PDE3A: variants seen among roughly 807,000 people sequenced by gnomAD.
The protein encoded by PDE3A is phosphodiesterase 3A, also known as cGMP-inhibited 3',5'-cyclic phosphodiesterase 3A.
Under a neutral mutation model 98.3 loss-of-function variants are expected in PDE3A, and 43 were observed. The observed-to-expected ratio is 0.44, with a 90% confidence interval of 0.34 to 0.56. The LOEUF is 0.56. Among genes scored for constraint, PDE3A ranks in the 20% least tolerant of loss-of-function variants. The pLI, the probability that PDE3A is intolerant of heterozygous loss-of-function variation, is 0.01. For missense variants in PDE3A, 1,427 were observed against 1,440.7 expected, an observed-to-expected ratio of 0.99 and a Z score of 0.15; for synonymous variants, 663 against 567.9, an observed-to-expected ratio of 1.17 and a Z score of -2.38.
At chr12:20,656,468 T>C (rs965826031) in intron 15 of PDE3A, among the ~76,000 whole-genome samples, 29 of 152,338 alleles carry the variant, frequency 1.9e-4, no homozygotes, top group African/African-American at 7.0e-4. Context: ...ATTAAAGTTG[T>C]TTTTCTTCAA....
chr12:20,465,971 A>G (rs1565558079), intron 1 of PDE3A, among the ~76,000 whole-genome samples: 2 of 152,206 alleles, frequency 1.3e-5, no homozygotes, highest in Non-Finnish European at 2.9e-5. Context: ...CCACGTTTCA[A>G]TGGAAGTGGT....
intron 1 of PDE3A, among the ~76,000 whole-genome samples, chr12:20,408,857 A>G (rs1944282708): frequency 6.6e-6 from 1 of 152,186 alleles, no homozygotes; most frequent in Admixed American, 6.5e-5. Flanking sequence ...AATTATGTGT[A>G]CATATATTAT....
chr12:20,525,397 T>C (rs773751090), intron 1 of PDE3A, among the ~76,000 whole-genome samples: 3 of 150,980 alleles, frequency 2.0e-5, no homozygotes, highest in Non-Finnish European at 4.4e-5. Flanking sequence ...GGGACTAAAA[T>C]TGATTTTAAG....
rs116861625 is a variant in PDE3A, at chr12:20,536,885, A to G, written c.961-19775A>G. Among the ~76,000 whole-genome samples, 288 of 152,080 alleles carry G rather than the reference A, an allele frequency of 1.9e-3. 7 individuals carry two copies. The East Asian group carries it at 0.054, about 28-fold the overall frequency. On this transcript the variant is annotated intron_variant, in intron 1 of 15. Coordinates refer to ENST00000359062, the MANE Select transcript of PDE3A (RefSeq NM_000921.5). ...AATTTTTGTGTGGATATTTGTTTTC[A>G]TTTCTCTGGAATATACATCTAGAAG...
At chr12:20,551,644 G>A (rs1345931920) in intron 1 of PDE3A, 5 of 1,591,220 alleles carry the variant, frequency 3.1e-6, no homozygotes, top group Non-Finnish European at 3.4e-6. Context: ...GTGCGACATG[G>A]CCTTCCACAT....
At chr12:20,515,315 A>G (rs928460119) in intron 1 of PDE3A, among the ~76,000 whole-genome samples, 2 of 152,246 alleles carry the variant, frequency 1.3e-5, no homozygotes, top group African/African-American at 2.4e-5. Flanking sequence ...TGATAATGTA[A>G]TATACCACTA....
intron 5 of PDE3A, among the ~76,000 whole-genome samples, chr12:20,629,659 C>CT (rs1265536194): frequency 2.0e-5 from 3 of 152,086 alleles, no homozygotes; most frequent in Non-Finnish European, 4.4e-5. Flanking sequence ...TCCACGACAC[C>CT]AGGGCTTTGG....
chr12:20,386,120 T>TATATATAA (rs1943779562), intron 1 of PDE3A, among the ~76,000 whole-genome samples: 3 of 76,162 alleles, frequency 3.9e-5, no homozygotes, highest in East Asian at 6.6e-4. Flanking sequence ...TAAATATATA[T>TATATATAA]AAATATATAT....
At chr12:20,507,083 T>A (rs2121102823) in intron 1 of PDE3A, among the ~76,000 whole-genome samples, 1 of 152,046 alleles carries the variant, frequency 6.6e-6, no homozygotes, top group Admixed American at 6.6e-5. Flanking sequence ...ATCCGGGGGG[T>A]AATTGTGCAC....
Position 20,613,557 on chromosome 12 carries a change from G to T in PDE3A, c.1126G>T (p.Ala376Ser). 1.2e-6 allele frequency: 2 copies of T among 1,614,098 alleles called. No homozygotes were observed. Among genetic ancestry groups the T allele is most frequent in the Non-Finnish European group, 1.7e-6 (2 of 1,180,004 alleles). ...ACCAAACGTGTGCACATCCTTGAGAGCCGTGAGCAACTTGCTCAGCACACA... is the reference window on the plus strand; with the variant it reads ...ACCAAACGTGTGCACATCCTTGAGATCCGTGAGCAACTTGCTCAGCACACA... ...LPPNVCTSLR[A>S]VSNLLSTQLT... Residue 376 changes from alanine to serine, a missense_variant, in exon 3 of 16, where the codon GCC becomes TCC. By Grantham distance (99) the Ala-to-Ser change is moderately conservative. Transcript: ENST00000359062.
chr12:20,628,310 G>A (rs1423932192), intron 5 of PDE3A, among the ~76,000 whole-genome samples: 1 of 152,068 alleles, frequency 6.6e-6, no homozygotes, highest in African/African-American at 2.4e-5. Context: ...TTTTGGCTCA[G>A]GATACTATGT....
At chr12:20,620,486 A>G (rs139211069) in intron 4 of PDE3A, among the ~76,000 whole-genome samples, 53 of 152,154 alleles carry the variant, frequency 3.5e-4, no homozygotes, top group African/African-American at 1.3e-3. Flanking sequence ...CAGATTCAAC[A>G]TGTATAAGTT....
intron 1 of PDE3A, among the ~76,000 whole-genome samples, chr12:20,424,609 A>G (rs948164240): frequency 4.6e-5 from 7 of 152,182 alleles, no homozygotes; most frequent in Non-Finnish European, 1.0e-4. Flanking sequence ...GGTGGTGTAG[A>G]ATGATGTTTA....
chr12:20,514,135 G>T (rs1436979686), intron 1 of PDE3A, among the ~76,000 whole-genome samples: 1 of 152,078 alleles, frequency 6.6e-6, no homozygotes, highest in Non-Finnish European at 1.5e-5. Context: ...TGAGACACAG[G>T]CATTTTATTT....
intron 2 of PDE3A, among the ~76,000 whole-genome samples, chr12:20,561,265 A>AG (rs1474509529): frequency 2.6e-5 from 4 of 152,156 alleles, no homozygotes; most frequent in Admixed American, 2.0e-4. Flanking sequence ...TAAAAAAAAA[A>AG]GATATTTCTA....
intron 1 of PDE3A, among the ~76,000 whole-genome samples, chr12:20,423,311 CCT>C (rs1186670355): frequency 6.6e-6 from 1 of 151,612 alleles, no homozygotes; most frequent in Non-Finnish European, 1.5e-5. Context: ...CAAATCAATC[CCT>C]CTCTTTCTTT....
At chr12:20,377,697 T>C (rs533774630) in intron 1 of PDE3A, among the ~76,000 whole-genome samples, 1 of 151,930 alleles carries the variant, frequency 6.6e-6, no homozygotes, top group African/African-American at 2.4e-5. Context: ...TATTTGCCCT[T>C]TTTTCTTCAT....
intron 13 of PDE3A, among the ~76,000 whole-genome samples, chr12:20,649,289 A>C (rs961208142): frequency 6.6e-6 from 1 of 152,140 alleles, no homozygotes; most frequent in Non-Finnish European, 1.5e-5. Flanking sequence ...ACTGTTGAAC[A>C]AAACATGTTA....
chr12:20,673,563 A>G (rs1313256049), intron 15 of PDE3A, among the ~76,000 whole-genome samples: 1 of 150,182 alleles, frequency 6.7e-6, no homozygotes, highest in Non-Finnish European at 1.5e-5. Context: ...ACATGGATGA[A>G]ATTGGAAAAC....
Sources: gnomAD v4.1 joint callset for allele counts (sites outside exome capture counted in the v4.1 genomes callset) on GRCh38, gnomAD v4.1.1 for gene constraint, MANE v1.5 for transcripts, NCBI Gene and HGNC (gene_info 2026-07-23, HGNC 2026-07-21) for gene names.